Variants in RPRD2 observed in about 807,000 individuals in gnomAD.
RPRD2 encodes the protein regulation of nuclear pre-mRNA domain-containing protein 2.
RPRD2 carries 12 observed loss-of-function variants against 104.4 expected under a neutral mutation model. The ratio of observed to expected loss-of-function variants is 0.11; its 90% CI spans 0.07 to 0.19. RPRD2 has a LOEUF of 0.19. Ranked by LOEUF, RPRD2 falls within the 10% of genes least tolerant of loss-of-function variation. RPRD2 has a pLI of 1.00. For synonymous variants in RPRD2, 714 were observed against 684.9 expected, an observed-to-expected ratio of 1.04 and a Z score of -0.66; for missense variants, 1,543 against 1,790.1, an observed-to-expected ratio of 0.86 and a Z score of 2.49.
chr1:150,437,614 CTG>C (rs1553893445), intron 2 of RPRD2, among the ~76,000 whole-genome samples: 3 of 152,162 alleles, frequency 2.0e-5, no homozygotes, highest in East Asian at 1.9e-4. Context: ...GAGTCTTACT[CTG>C]TCACTCAAGC....
chr1:150,419,798 T>C (rs1053396820), intron 2 of RPRD2, among the ~76,000 whole-genome samples: 6 of 152,082 alleles, frequency 3.9e-5, no homozygotes, highest in Non-Finnish European at 7.4e-5. Context: ...CCCAGCTAAT[T>C]TTGTATTTTT....
intron 1 of RPRD2, among the ~76,000 whole-genome samples, chr1:150,384,637 A>G (rs1553881476): frequency 4.1e-5 from 4 of 97,288 alleles, no homozygotes; most frequent in African/African-American, 1.6e-4. Flanking sequence ...CGCCTGGCTA[A>G]TTTGTGTGTG....
rs888796351 is a variant in RPRD2 at position 150,471,659 on chromosome 1, A to G, written c.2711A>G (p.Asp904Gly). The change falls in exon 11 of 11, where the codon GAC becomes GGC. Residue 904 changes from aspartate to glycine, a missense_variant. This residue lies in a region of RPRD2 where 880 missense variants were observed against 885.6 expected (regional missense o/e 0.99). Coordinates refer to ENST00000369068, the MANE Select transcript of RPRD2 (RefSeq NM_015203.5). This position sits in a 1 kb window ranked among gnomAD's most constrained non-coding sequence, Gnocchi z 5.3. ...CTCCTGGACTCTAGTGAGAACTGTGACCGTCTCTCATCTTCCCCTGGGCTA... is the reference window on the plus strand; with the variant it reads ...CTCCTGGACTCTAGTGAGAACTGTGGCCGTCTCTCATCTTCCCCTGGGCTA... ...RALLDSSENCDRLSSSPGLFG... is the reference protein window; with the variant it reads ...RALLDSSENCGRLSSSPGLFG... The G allele has an allele frequency of 1.9e-6, 3 of 1,613,676 alleles. No individual in the cohort carries two copies. The African/African-American group carries it at 4.0e-5, about 22-fold the overall frequency.
rs57772151 is a variant in RPRD2, at chr1:150,384,440, G to GCATCATCAT, written c.205+19525_205+19533dup. Reference sequence around the variant, plus strand: ...ATGGAAAAGACAGAAGGAATAAAAGGCATCATCATCATTATTATTATTATT... The same window carrying GCATCATCAT: ...ATGGAAAAGACAGAAGGAATAAAAGGCATCATCATCATCATCATCATTATTATTATTATT... On this transcript the variant is annotated intron_variant, in intron 1 of 10. Coordinates refer to ENST00000369068, the MANE Select transcript of RPRD2 (RefSeq NM_015203.5). Among the ~76,000 whole-genome samples the GCATCATCAT allele has an allele frequency of 2.9e-3, 330 of 114,462 alleles. 2 individuals carry two copies. Among genetic ancestry groups the GCATCATCAT allele is most frequent in the African/African-American group, 8.8e-3 (281 of 31,854 alleles). The allele number at this position is 114,462 out of a possible 152,430, so 75.1% of individuals were successfully genotyped here. A position where few individuals can be genotyped will look rare whatever the true frequency, so the allele number is the denominator to read the frequency against.
intron 1 of RPRD2, among the ~76,000 whole-genome samples, chr1:150,381,022 A>G (rs1553880692): frequency 6.6e-6 from 1 of 152,170 alleles, no homozygotes; most frequent in African/African-American, 2.4e-5. Flanking sequence ...TTATTGAGAC[A>G]CATGGCCCCC....
At chr1:150,467,496 C>T (rs1207840617) in intron 10 of RPRD2, among the ~76,000 whole-genome samples, 2 of 152,198 alleles carry the variant, frequency 1.3e-5, no homozygotes, top group East Asian at 1.9e-4. Context: ...GCCTCAGCCT[C>T]TCGAGTAGCT....
Position 150,375,343 on chromosome 1 carries a change from A to G in RPRD2, c.205+10424A>G, listed in dbSNP as rs1269342564. On this transcript the variant is annotated intron_variant, in intron 1 of 10. Coordinates refer to ENST00000369068, the MANE Select transcript of RPRD2 (RefSeq NM_015203.5). ...TAGCAAATAAACATTCCCATAACTA[A>G]AAGTGTGAAACACTACTGACAAACT... Among the ~76,000 whole-genome samples, 5 of 152,314 alleles carry G rather than the reference A, an allele frequency of 3.3e-5. No individual in the cohort carries two copies. In the South Asian group the frequency reaches 8.3e-4, roughly 25 times the overall value.
chr1:150,368,111 C>T (rs1419091766), intron 1 of RPRD2, among the ~76,000 whole-genome samples: 8 of 151,202 alleles, frequency 5.3e-5, no homozygotes, highest in African/African-American at 1.5e-4. Flanking sequence ...CTGCCTACCT[C>T]GGGCTTCTTC....
At chr1:150,381,175 C>T (rs587622123) in intron 1 of RPRD2, among the ~76,000 whole-genome samples, 3 of 151,666 alleles carry the variant, frequency 2.0e-5, no homozygotes, top group Admixed American at 1.3e-4. Context: ...GTAATCCCAG[C>T]GCTATGGTAG....
At chr1:150,454,588 G>A (rs1238679396) in intron 7 of RPRD2, among the ~76,000 whole-genome samples, 1 of 152,034 alleles carries the variant, frequency 6.6e-6, no homozygotes, top group Non-Finnish European at 1.5e-5. Flanking sequence ...TGGCTCACAC[G>A]TGTAATCCCA....
At chr1:150,399,528 G>A (rs868959385) in intron 1 of RPRD2, among the ~76,000 whole-genome samples, 4 of 151,926 alleles carry the variant, frequency 2.6e-5, no homozygotes, top group African/African-American at 4.8e-5. Context: ...AGGCTGAGGC[G>A]GGTGGATCAC....
chr1:150,438,187 A>C (rs1666146314), intron 2 of RPRD2, among the ~76,000 whole-genome samples: 1 of 152,044 alleles, frequency 6.6e-6, no homozygotes, highest in Non-Finnish European at 1.5e-5. Context: ...CCACTTGGGA[A>C]GCTGAGGCAG....
At chr1:150,446,872 G>C (rs372118675) in intron 7 of RPRD2, among the ~76,000 whole-genome samples, 10 of 119,874 alleles carry the variant, frequency 8.3e-5, no homozygotes, top group South Asian at 2.6e-4. Flanking sequence ...TGTCGCTCTT[G>C]TTGCCCAGGC....
chr1:150,472,626 C>G lies in RPRD2; in HGVS notation c.3678C>G (p.Ile1226Met), dbSNP rs1668666873. ...PPVPPKDHGG[I>M]FSRDAPTHLP... is the part of the protein sequence containing the mutation. ...TCCCTCCTAAGGATCATGGTGGTAT[C>G]TTCTCTCGAGATGCACCCACTCATC... Residue 1226 changes from isoleucine to methionine, a missense_variant, in exon 11 of 11, where the codon ATC becomes ATG. By Grantham distance (10) the Ile-to-Met change is conservative. Around this residue, in one of 4 missense-constraint regions of RPRD2, gnomAD observed 880 missense variants for 885.6 expected, o/e 0.99. Coordinates refer to ENST00000369068, the MANE Select transcript of RPRD2 (RefSeq NM_015203.5). 6.2e-7 allele frequency: 1 copy of G among 1,613,838 alleles called. No individual in the cohort carries two copies. The highest frequency in any genetic ancestry group is 8.5e-7 in the Non-Finnish European group (1 of 1,179,854).
At chr1:150,374,426 C>G (rs782642543) in intron 1 of RPRD2, among the ~76,000 whole-genome samples, 2 of 152,156 alleles carry the variant, frequency 1.3e-5, no homozygotes, top group Non-Finnish European at 2.9e-5. Context: ...GTTCTGTGAG[C>G]TGCTCAAGCA....
intron 1 of RPRD2, among the ~76,000 whole-genome samples, chr1:150,381,477 C>T (rs913851017): frequency 6.6e-6 from 1 of 151,238 alleles, no homozygotes; most frequent in Non-Finnish European, 1.5e-5. Flanking sequence ...CCAGACCACA[C>T]GTTGAGAACT....
chr1:150,449,602 C>T (rs587648747), intron 7 of RPRD2, among the ~76,000 whole-genome samples: 8 of 151,932 alleles, frequency 5.3e-5, no homozygotes, highest in South Asian at 4.2e-4. Context: ...TCCCTCCTTC[C>T]ATCTCCCAGA....
At chr1:150,445,569 G>A (rs587695375) in intron 6 of RPRD2, among the ~76,000 whole-genome samples, 2 of 152,296 alleles carry the variant, frequency 1.3e-5, no homozygotes, top group South Asian at 4.1e-4. Flanking sequence ...ATACAGTTGA[G>A]CTTCATTCTG....
chr1:150,441,824 G>A, intron 3 of RPRD2, 57 bp from the exon 4 acceptor site: 1 of 1,279,026 alleles, frequency 7.8e-7, no homozygotes, highest in Non-Finnish European at 1.1e-6. Flanking sequence ...GCACTGAAGT[G>A]GACAGACAGA....
Sources: allele counts gnomAD v4.1 joint callset (sites outside exome capture counted in the v4.1 genomes callset), GRCh38; gene constraint gnomAD v4.1.1; regional missense constraint gnomAD v4.1.1; non-coding constraint Gnocchi (gnomAD v3.1); transcripts MANE v1.5; gene names NCBI Gene and HGNC (gene_info 2026-07-23, HGNC 2026-07-21).